MACROD2: variants seen among roughly 807,000 people sequenced by gnomAD.
MACROD2 encodes mono-ADP ribosylhydrolase 2, also known as ADP-ribose glycohydrolase MACROD2.
MACROD2 carries 36 observed loss-of-function variants against 70.4 expected under a neutral mutation model. That is an observed-to-expected ratio of 0.51 (90% CI 0.39 to 0.68). The LOEUF is 0.68. Among genes scored for constraint, MACROD2 ranks in the 30% least tolerant of loss-of-function variants. MACROD2 has a pLI of 0.00. For missense variants in MACROD2, 496 were observed against 538.4 expected (o/e 0.92, Z 0.78); for synonymous variants, 172 against 178.8 (o/e 0.96, Z 0.30).
At chr20:14,458,589 T>A (rs760923632) in intron 3 of MACROD2, among the ~76,000 whole-genome samples, 8 of 152,134 alleles carry the variant, frequency 5.3e-5, no homozygotes, top group Non-Finnish European at 1.0e-4. Context: ...GGTGAGCACA[T>A]GGAGGTGCTG....
intron 3 of MACROD2, among the ~76,000 whole-genome samples, chr20:14,178,245 A>T (rs1267022783): frequency 6.6e-6 from 1 of 152,204 alleles, no homozygotes; most frequent in Non-Finnish European, 1.5e-5. Context: ...GAGGTGATGG[A>T]TAAAGTAGCT....
intron 8 of MACROD2, among the ~76,000 whole-genome samples, chr20:15,680,374 C>T (rs2050144526): frequency 6.6e-6 from 1 of 152,186 alleles, no homozygotes; most frequent in African/African-American, 2.4e-5. Flanking sequence ...TTTACTGCTG[C>T]TTCCTTCTCC....
At chr20:15,330,481 C>T (rs2077980462) in intron 6 of MACROD2, among the ~76,000 whole-genome samples, 1 of 151,512 alleles carries the variant, frequency 6.6e-6, no homozygotes, top group Admixed American at 6.6e-5. Flanking sequence ...GAGCCCCAAT[C>T]AAGGTGTAGA....
chr20:15,951,994 G>A (rs2065912487), intron 12 of MACROD2, among the ~76,000 whole-genome samples: 1 of 152,116 alleles, frequency 6.6e-6, no homozygotes, highest in Non-Finnish European at 1.5e-5. Flanking sequence ...CCGGTGGGAG[G>A]TAAATGAATC....
chr20:14,498,550 A>G (rs1600305335), intron 4 of MACROD2, among the ~76,000 whole-genome samples: 1 of 152,228 alleles, frequency 6.6e-6, no homozygotes, highest in Non-Finnish European at 1.5e-5. Context: ...ATAGTTGTCT[A>G]CATTCTTTCA....
At chr20:15,317,482 A>AATCT (rs57469228) in intron 6 of MACROD2, among the ~76,000 whole-genome samples, 39,159 of 145,636 alleles carry the variant, frequency 0.27, 5,272 homozygotes, top group East Asian at 0.32. Flanking sequence ...CCATCCATCT[A>AATCT]ATCTATCTAT....
At chr20:15,365,229 G>C (rs2045391748) in intron 6 of MACROD2, among the ~76,000 whole-genome samples, 1 of 152,104 alleles carries the variant, frequency 6.6e-6, no homozygotes, top group Non-Finnish European at 1.5e-5. Context: ...GTTTTATAGT[G>C]AATATAGTTA....
chr20:14,272,864 C>A (rs2082209884), intron 3 of MACROD2, among the ~76,000 whole-genome samples: 1 of 152,086 alleles, frequency 6.6e-6, no homozygotes. Flanking sequence ...ATAAAACAGA[C>A]TTTAAACCAA....
chr20:14,421,596 G>C (rs1439018491), intron 3 of MACROD2, among the ~76,000 whole-genome samples: 1 of 151,974 alleles, frequency 6.6e-6, no homozygotes, highest in East Asian at 1.9e-4. Flanking sequence ...GTTTTTGTTT[G>C]TTGTGATTTT....
chr20:14,478,286 C>G (rs2084621118), intron 3 of MACROD2, among the ~76,000 whole-genome samples: 1 of 152,126 alleles, frequency 6.6e-6, no homozygotes, highest in South Asian at 2.1e-4. Flanking sequence ...AGGACCAAGA[C>G]TCATATCCCC....
chr20:15,567,356 A>G (rs1290189948), intron 8 of MACROD2, among the ~76,000 whole-genome samples: 2 of 152,186 alleles, frequency 1.3e-5, no homozygotes, highest in East Asian at 3.9e-4. Flanking sequence ...CTGAGTGTTT[A>G]TGTCAGGCAA....
chr20:15,980,729 G>C (rs184074266), intron 13 of MACROD2, among the ~76,000 whole-genome samples: 13 of 152,254 alleles, frequency 8.5e-5, no homozygotes, highest in African/African-American at 3.1e-4. Context: ...TGTGTAGACA[G>C]TAATTAGTAA....
intron 8 of MACROD2, among the ~76,000 whole-genome samples, chr20:15,626,828 C>T (rs984790302): frequency 2.0e-5 from 3 of 152,076 alleles, no homozygotes; most frequent in Admixed American, 2.0e-4. Context: ...GCACTCCAGC[C>T]TGGGCAACAG....
intron 8 of MACROD2, among the ~76,000 whole-genome samples, chr20:15,751,036 C>A (rs2051261615): frequency 6.6e-6 from 1 of 151,700 alleles, no homozygotes; most frequent in Non-Finnish European, 1.5e-5. Context: ...TCAATGCATA[C>A]AAAATTGCAA....
chr20:15,521,927 T>C (rs2047658364), intron 8 of MACROD2, among the ~76,000 whole-genome samples: 1 of 152,208 alleles, frequency 6.6e-6, no homozygotes, highest in African/African-American at 2.4e-5. Flanking sequence ...TTAACTGGCG[T>C]TGTCTTCAGG....
intron 12 of MACROD2, among the ~76,000 whole-genome samples, chr20:15,961,176 CAG>C (rs2066055335): frequency 6.6e-6 from 1 of 151,986 alleles, no homozygotes; most frequent in Non-Finnish European, 1.5e-5. Flanking sequence ...AAGAAAAAAA[CAG>C]AAAAAGTAAG....
intron 8 of MACROD2, among the ~76,000 whole-genome samples, chr20:15,787,931 C>T (rs2051958639): frequency 6.6e-6 from 1 of 152,028 alleles, no homozygotes; most frequent in Non-Finnish European, 1.5e-5. Context: ...TTTTATTTTA[C>T]TTTTCTGTAT....
chr20:15,071,868 A>G (rs1407327), intron 5 of MACROD2, among the ~76,000 whole-genome samples: 17,109 of 152,124 alleles, frequency 0.11, 2,468 homozygotes, highest in African/African-American at 0.33. Flanking sequence ...TGGCTGCTTT[A>G]TAGTAACATA....
chr20:14,261,732 TACTG>T (rs3044591), intron 3 of MACROD2, among the ~76,000 whole-genome samples: 55,119 of 151,806 alleles, frequency 0.36, 12,041 homozygotes, highest in Non-Finnish European at 0.49. Flanking sequence ...ATGTGTCAGA[TACTG>T]ACAGTACAAA....
Sources: allele counts gnomAD v4.1 joint callset (sites outside exome capture counted in the v4.1 genomes callset), GRCh38; gene constraint gnomAD v4.1.1; transcripts MANE v1.5; gene names NCBI Gene and HGNC (gene_info 2026-07-23, HGNC 2026-07-21).